The following ELMO1 variants were observed in gnomAD, a reference collection of about 807,000 sequenced individuals.
The protein encoded by ELMO1 is engulfment and cell motility protein 1.
A neutral mutation model predicts 98.9 loss-of-function variants in ELMO1; 26 were observed. The observed-to-expected ratio is 0.26, with a 90% CI of 0.19 to 0.36. ELMO1 has a LOEUF of 0.36. Among genes scored for constraint, ELMO1 ranks in the 10% least tolerant of loss-of-function variants. ELMO1 has a pLI of 1.00. For synonymous variants in ELMO1, 346 were observed against 346.0 expected (o/e 1.00, Z 0.00); for missense variants, 627 against 935.2 (o/e 0.67, Z 4.30).
intron 1 of ELMO1, among the ~76,000 whole-genome samples, chr7:37,399,216 C>T (rs1353396362): frequency 6.6e-6 from 1 of 152,188 alleles, no homozygotes. Context: ...GCTGGGACCA[C>T]GTCCTTCATT....
At chr7:37,292,485 T>C in intron 4 of ELMO1, among the ~76,000 whole-genome samples, 1 of 42,910 alleles carries the variant, frequency 2.3e-5, no homozygotes, top group Non-Finnish European at 7.3e-5. Flanking sequence ...CTGGCCGCCA[T>C]CCCATCTAGG....
At chr7:36,858,190 A>G (rs1013414792) in intron 21 of ELMO1, among the ~76,000 whole-genome samples, 3 of 152,208 alleles carry the variant, frequency 2.0e-5, no homozygotes, top group Non-Finnish European at 4.4e-5. Context: ...TAGGATAACC[A>G]AATAGTTGAT....
At chr7:37,157,580 A>G (rs1021207725) in intron 13 of ELMO1, among the ~76,000 whole-genome samples, 10 of 152,328 alleles carry the variant, frequency 6.6e-5, no homozygotes, top group Non-Finnish European at 1.2e-4. Context: ...AGAATAAAAT[A>G]CCTAGGAATC....
At chr7:37,307,942 A>C (rs2392478) in intron 4 of ELMO1, among the ~76,000 whole-genome samples, 69,814 of 151,752 alleles carry the variant, frequency 0.46, 16,372 homozygotes, top group East Asian at 0.7. Flanking sequence ...GTGAAACCCC[A>C]TCTCTACTAA....
At chr7:36,901,451 G>A (rs1429971064) in intron 16 of ELMO1, among the ~76,000 whole-genome samples, 1 of 152,170 alleles carries the variant, frequency 6.6e-6, no homozygotes, top group Non-Finnish European at 1.5e-5. Context: ...AGCCTACCAT[G>A]GCAACTTATA....
chr7:36,904,654 C>T (rs115937881), intron 16 of ELMO1, among the ~76,000 whole-genome samples: 151 of 152,304 alleles, frequency 9.9e-4, no homozygotes, highest in African/African-American at 3.5e-3. Context: ...TAAGCAAAAA[C>T]GTTAACCAGC....
intron 16 of ELMO1, among the ~76,000 whole-genome samples, chr7:36,968,120 G>A (rs1203562924): frequency 6.6e-6 from 1 of 152,058 alleles, no homozygotes; most frequent in African/African-American, 2.4e-5. Context: ...GAGTCTTCCA[G>A]AATTATTTTT....
intron 2 of ELMO1, among the ~76,000 whole-genome samples, chr7:37,322,236 G>A (rs1045946225): frequency 1.3e-5 from 2 of 152,042 alleles, no homozygotes; most frequent in African/African-American, 4.8e-5. Flanking sequence ...CCAGCACTTT[G>A]GGAGGCCAAG....
chr7:36,979,986 A>G (rs946183705), intron 16 of ELMO1, among the ~76,000 whole-genome samples: 3 of 152,166 alleles, frequency 2.0e-5, no homozygotes, highest in Non-Finnish European at 2.9e-5. Context: ...ACTTTATTTC[A>G]TTATACTTCC....
intron 13 of ELMO1, among the ~76,000 whole-genome samples, chr7:37,188,551 T>C (rs902513826): frequency 6.8e-6 from 1 of 147,430 alleles, no homozygotes; most frequent in Non-Finnish European, 1.5e-5. Flanking sequence ...AAGACTATAA[T>C]AGGGAGATAG....
In ELMO1 at chr7:37,315,906, T is replaced by C. The variant is rs1562606457; in HGVS notation, c.119+14A>G. The C allele has an allele frequency of 6.3e-7, 1 of 1,594,168 alleles. No individual in the cohort carries two copies. Among genetic ancestry groups the C allele is most frequent in the East Asian group, 2.2e-5 (1 of 44,552 alleles). ...CAACTAGAATGCCTTAGATAAATCCTGAGTAACACTTACCCATCACAGACT... is the reference window on the plus strand; with the variant it reads ...CAACTAGAATGCCTTAGATAAATCCCGAGTAACACTTACCCATCACAGACT... On this transcript the variant is annotated intron_variant, in intron 3 of 21. Transcript: ENST00000310758.
intron 16 of ELMO1, among the ~76,000 whole-genome samples, chr7:36,974,859 C>T (rs369651689): frequency 5.9e-5 from 9 of 151,996 alleles, no homozygotes; most frequent in Non-Finnish European, 1.2e-4. Flanking sequence ...ATGAGCCCAC[C>T]GGGAAGAATG....
At chr7:37,283,196 T>C (rs1465557050) in intron 4 of ELMO1, among the ~76,000 whole-genome samples, 1 of 152,146 alleles carries the variant, frequency 6.6e-6, no homozygotes, top group African/African-American at 2.4e-5. Context: ...CTTCAGTGTT[T>C]TAATCAAGGA....
chr7:37,305,882 G>A (rs1306705521), intron 4 of ELMO1, among the ~76,000 whole-genome samples: 3 of 152,202 alleles, frequency 2.0e-5, no homozygotes, highest in Non-Finnish European at 4.4e-5. Context: ...ACGATAAAGC[G>A]ATGTAGGTCC....
At chr7:37,117,398 C>A (rs541784790) in intron 14 of ELMO1, among the ~76,000 whole-genome samples, 21 of 152,280 alleles carry the variant, frequency 1.4e-4, no homozygotes, top group African/African-American at 5.1e-4. Context: ...GCACACCACG[C>A]AGGCACTGCT....
At chr7:37,326,224 C>T (rs1019268852) in intron 2 of ELMO1, among the ~76,000 whole-genome samples, 3 of 152,102 alleles carry the variant, frequency 2.0e-5, no homozygotes, top group South Asian at 4.2e-4. Context: ...AGCAACCTCT[C>T]CACAGTAGTA....
intron 1 of ELMO1, among the ~76,000 whole-genome samples, chr7:37,403,900 T>C (rs1358774475): frequency 6.6e-6 from 1 of 152,166 alleles, no homozygotes; most frequent in African/African-American, 2.4e-5. Flanking sequence ...TGAATCTTAA[T>C]GAACTGTTGT....
chr7:36,938,051 T>A (rs188408263), intron 16 of ELMO1, among the ~76,000 whole-genome samples: 180 of 152,322 alleles, frequency 1.2e-3, no homozygotes, highest in South Asian at 1.9e-3. Flanking sequence ...TGCCAGTTTA[T>A]GAAACATCCT....
At chr7:37,038,342 C>T (rs1488882736) in intron 15 of ELMO1, among the ~76,000 whole-genome samples, 1 of 152,152 alleles carries the variant, frequency 6.6e-6, no homozygotes, top group East Asian at 1.9e-4. Flanking sequence ...CTTTAGGTTG[C>T]TGGCCTGCCT....
Sources: allele counts gnomAD v4.1 joint callset (sites outside exome capture counted in the v4.1 genomes callset), GRCh38; gene constraint gnomAD v4.1.1; transcripts MANE v1.5; gene names NCBI Gene and HGNC (gene_info 2026-07-23, HGNC 2026-07-21).